Variants in VPS13C observed in about 807,000 individuals in gnomAD.
VPS13C encodes intermembrane lipid transfer protein VPS13C.
A neutral mutation model predicts 456.8 loss-of-function variants in VPS13C; 358 were observed. That is an observed-to-expected ratio of 0.78 (90% CI 0.72 to 0.86). The LOEUF is 0.86. Ranked by LOEUF, VPS13C falls within the 40% of genes least tolerant of loss-of-function variation. The pLI is 0.00. For missense variants in VPS13C, 4,818 were observed against 4,385.4 expected, an observed-to-expected ratio of 1.10 and a Z score of -2.79; for synonymous variants, 1,578 against 1,486.7, an observed-to-expected ratio of 1.06 and a Z score of -1.41.
At chr15:61,967,715 T>C (rs974279686) in intron 28 of VPS13C, among the ~76,000 whole-genome samples, 2 of 152,004 alleles carry the variant, frequency 1.3e-5, no homozygotes, top group African/African-American at 4.8e-5. Context: ...AATAATTTAT[T>C]TTACTTCTAT....
Position 62,034,995 on chromosome 15 carries a change from G to T in VPS13C, c.245C>A (p.Thr82Asn). The T allele has an allele frequency of 6.2e-7, 1 of 1,602,776 alleles. No individual in the cohort carries two copies. The highest frequency in any genetic ancestry group is 8.5e-7 in the Non-Finnish European group (1 of 1,173,646). The change falls in exon 4 of 85, where the codon ACC becomes AAC. Residue 82 changes from threonine (T) to asparagine (N), a missense_variant. Thr to Asn is a moderately conservative substitution (Grantham distance 65). Coordinates refer to ENST00000644861, the MANE Select transcript of VPS13C (RefSeq NM_020821.3). ...AACAAGCAGGTATAATCCTTCCAGG[G>T]TCGCAACAACTGCTTCTCCATAAAG... ...KNLYGEAVVA[T>N]LEGLYLLVVP...
At position 61,880,911 on chromosome 15, in the gene VPS13C, G is replaced by A. The variant is rs754864762; in HGVS notation, c.9820C>T (p.Gln3274Ter). The A allele has an allele frequency of 1.2e-6, 2 of 1,609,886 alleles. No individual in the cohort carries two copies. The highest frequency in any genetic ancestry group is 1.7e-5 in the Admixed American group (1 of 59,586). Residue 3274 changes from glutamine (Q) to a stop codon, truncating the protein, a stop_gained, in exon 72 of 85, where the codon CAA becomes TAA. Coordinates refer to ENST00000644861, the MANE Select transcript of VPS13C (RefSeq NM_020821.3). LOFTEE classifies it high-confidence loss of function. ...GCAATAATAGCTCCTAGAAACCCTT[G>A]ATCAATTTTTAAGGCCATTTCCTGA... ...LIQEMALKIDQGFLGAIIALF... is the reference protein window; with the variant it reads ...LIQEMALKID
Position 61,962,495 on chromosome 15 carries a change from T to C in VPS13C, c.3479A>G (p.Asp1160Gly), listed in dbSNP as rs1472754299. The change falls in exon 34 of 85, where the codon GAT (aspartate) becomes GGT (glycine). Residue 1160 changes from aspartate (D) to glycine (G), a missense_variant. Around this residue, in one of 3 missense-constraint regions of VPS13C, gnomAD observed 4,552 missense variants for 4,130.6 expected, o/e 1.10. Transcript: ENST00000644861. ...MGNEVFRFNL[D>G]LYPDATEGDL... ...CCCCTCAGTAGCATCTGGATACAAATCCAAATTAAAACGGAAAACTTCATT... is the reference window on the plus strand; with the variant it reads ...CCCCTCAGTAGCATCTGGATACAAACCCAAATTAAAACGGAAAACTTCATT... The C allele has an allele frequency of 1.2e-6, 2 of 1,610,438 alleles. No homozygotes were observed. The highest frequency in any genetic ancestry group is 1.7e-6 in the Non-Finnish European group (2 of 1,177,846).
At position 61,952,127 on chromosome 15, in the gene VPS13C, C is replaced by CA. The variant is rs2044821697; in HGVS notation, c.4300-148dup. On this transcript the variant is annotated intron_variant, in intron 38 of 84. Transcript: ENST00000644861. ...ACTTCTATTTGTGCCTGCAGTTTGGCATGATTCCCAGAACTCCTAGTCTGA... is the reference window on the plus strand; with the variant it reads ...ACTTCTATTTGTGCCTGCAGTTTGGCAATGATTCCCAGAACTCCTAGTCTGA... 4 of 986,188 alleles carry CA rather than the reference C, an allele frequency of 4.1e-6. No individual in the cohort carries two copies. In the South Asian group the frequency reaches 9.0e-5, roughly 22 times the overall value. 61.1% of individuals were successfully genotyped at this position (986,188 alleles called of 1,614,324 possible).
At position 62,008,895 on chromosome 15, in the gene VPS13C, G is replaced by A. The variant is rs7168164; in HGVS notation, c.1012-134C>T. 0.54 allele frequency: 221,071 copies of A among 407,284 alleles called. 61,137 individuals carry two copies. The highest frequency in any genetic ancestry group is 0.64 in the Admixed American group (15,220 of 23,800). 25.2% of individuals were successfully genotyped at this position (407,284 alleles called of 1,614,324 possible). A position where few individuals can be genotyped will look rare whatever the true frequency, so the allele number is the denominator to read the frequency against. ...TTGCCTGGTAGTCCAATAATATACT[G>A]TATTTCATCAAATTTAAGATGCTAT... is the stretch of plus-strand genomic sequence containing the variant. On this transcript the variant is annotated intron_variant, in intron 13 of 84. Coordinates refer to ENST00000644861, the MANE Select transcript of VPS13C (RefSeq NM_020821.3).
chr15:62,002,204 C>T (rs200086931), intron 15 of VPS13C, among the ~76,000 whole-genome samples: 2,978 of 152,218 alleles, frequency 0.02, 44 homozygotes, highest in East Asian at 0.071. Flanking sequence ...TTTTAATGAT[C>T]GCCATTCTAA....
At chr15:61,854,801 T>C (rs1031632684) in intron 84 of VPS13C, 70 bp downstream of exon 84, 25 of 1,321,872 alleles carry the variant, frequency 1.9e-5, no homozygotes, top group Non-Finnish European at 2.5e-5. Context: ...ATAATGGTAT[T>C]CATTATAAGA....
At chr15:61,937,967 T>C (rs1299667375) in intron 47 of VPS13C, among the ~76,000 whole-genome samples, 3 of 152,160 alleles carry the variant, frequency 2.0e-5, no homozygotes, top group Non-Finnish European at 4.4e-5. Flanking sequence ...CAAGCATGCA[T>C]GCAAGCACGC....
chr15:61,921,878 C>T lies in VPS13C; in HGVS notation c.7062+69G>A, dbSNP rs1292995893. 4 of 1,514,842 alleles carry T rather than the reference C, an allele frequency of 2.6e-6. No homozygotes were observed. The Admixed American group carries it at 5.1e-5, about 19-fold the overall frequency. The allele number at this position is 1,514,842 out of a possible 1,614,324, so 93.8% of individuals were successfully genotyped here. A position where few individuals can be genotyped will look rare whatever the true frequency, so the allele number is the denominator to read the frequency against. On this transcript the variant is annotated intron_variant, in intron 55 of 84. Coordinates refer to ENST00000644861, the MANE Select transcript of VPS13C (RefSeq NM_020821.3). ...ATCCTAGACCACATCTTAAGAATCA[C>T]TGAAATAAAAACTATGAATGAATAT...
At chr15:62,016,338 T>C (rs1297492695) in intron 9 of VPS13C, among the ~76,000 whole-genome samples, 2 of 151,988 alleles carry the variant, frequency 1.3e-5, no homozygotes, top group South Asian at 2.1e-4. Flanking sequence ...TAGTTACGTA[T>C]GTATACATGT....
chr15:61,915,966 C>T lies in VPS13C; in HGVS notation c.8112G>A (p.Ser2704=), dbSNP rs965998441. The change falls in exon 61 of 85, where the codon TCG becomes TCA. Residue 2704 remains serine, a synonymous_variant. Transcript: ENST00000644861. The part of the protein sequence containing the change: ...AEGSTADVLH[S]RISGEIMELV... ...ATTCCATTATTTCACCACTGATTCT[C>T]GAATGCAGAACATCAGCAGTACTGC... 5.0e-6 allele frequency: 8 copies of T among 1,613,038 alleles called. No homozygotes were observed. The Admixed American group carries it at 1.0e-4, about 20-fold the overall frequency.
At chr15:61,913,834 G>A (rs777434647) in intron 61 of VPS13C, among the ~76,000 whole-genome samples, 2 of 152,180 alleles carry the variant, frequency 1.3e-5, no homozygotes, top group Non-Finnish European at 2.9e-5. Context: ...TAAAGACATT[G>A]TGACAGGCAG....
intron 66 of VPS13C, among the ~76,000 whole-genome samples, chr15:61,904,875 A>C (rs1418663864): frequency 6.6e-6 from 1 of 152,106 alleles, no homozygotes; most frequent in Non-Finnish European, 1.5e-5. Flanking sequence ...GAAGTCAGTC[A>C]GGTACAGAAA....
At chr15:61,881,061 A>G (rs1441749617) in intron 71 of VPS13C, 107 bp from the exon 72 acceptor site, 10 of 851,522 alleles carry the variant, frequency 1.2e-5, no homozygotes, top group Non-Finnish European at 1.7e-5. Flanking sequence ...TTGTTCCTTC[A>G]TCTCCTAAAA....
intron 1 of VPS13C, among the ~76,000 whole-genome samples, chr15:62,058,268 T>A (rs571070653): frequency 6.6e-6 from 1 of 152,206 alleles, no homozygotes; most frequent in African/African-American, 2.4e-5. Context: ...GGAAAGAATA[T>A]TGCCAGTATT....
chr15:62,001,749 A>G (rs2046625747), intron 15 of VPS13C, among the ~76,000 whole-genome samples: 1 of 152,012 alleles, frequency 6.6e-6, no homozygotes, highest in African/African-American at 2.4e-5. Flanking sequence ...GTTCCCACCC[A>G]TGAGTGAGAA....
In VPS13C at chr15:61,925,899, T is replaced by C. The variant is rs146692251; in HGVS notation, c.6517-351A>G. On this transcript the variant is annotated intron_variant, in intron 52 of 84. Transcript: ENST00000644861. The stretch of plus-strand genomic sequence containing the variant: ...CTTTGAAATATCTATAAAAGTGAGC[T>C]AAAGACTGTGGTAAGGTAGGTAAGT... Among the ~76,000 whole-genome samples, 677 of 152,338 alleles carry C rather than the reference T, an allele frequency of 4.4e-3. 14 individuals are homozygous for C. The highest frequency in any genetic ancestry group is 9.3e-3 in the East Asian group (48 of 5,188).
chr15:61,915,938 C>A lies in VPS13C; in HGVS notation c.8140G>T (p.Val2714Phe). 1 of 1,614,000 alleles carries A rather than the reference C, an allele frequency of 6.2e-7. No individual in the cohort carries two copies. Among genetic ancestry groups the A allele is most frequent in the South Asian group, 1.1e-5 (1 of 91,064 alleles). The change falls in exon 61 of 85, where the codon GTC becomes TTC. Residue 2714 changes from valine to phenylalanine, a missense_variant. By Grantham distance (50) the Val-to-Phe change is conservative (BLOSUM62 -1). Coordinates refer to ENST00000644861, the MANE Select transcript of VPS13C (RefSeq NM_020821.3). ...TTTTTGCCCTGGTATTTCACCAGGACTAATTCCATTATTTCACCACTGATT... is the reference window on the plus strand; with the variant it reads ...TTTTTGCCCTGGTATTTCACCAGGAATAATTCCATTATTTCACCACTGATT... ...SRISGEIMEL[V>F]LVKYQGKNWN...
At chr15:62,050,805 CA>C (rs34228451) in intron 1 of VPS13C, among the ~76,000 whole-genome samples, 2,852 of 55,880 alleles carry the variant, frequency 0.051, 54 homozygotes, top group African/African-American at 0.17. Flanking sequence ...GACCCAGTCT[CA>C]AAAAAAAAAA....
Sources: allele counts gnomAD v4.1 joint callset (sites outside exome capture counted in the v4.1 genomes callset), GRCh38; gene constraint gnomAD v4.1.1; regional missense constraint gnomAD v4.1.1; transcripts MANE v1.5; gene names NCBI Gene and HGNC (gene_info 2026-07-23, HGNC 2026-07-21).